The following GRID2IP variants were observed in gnomAD, a reference collection of about 807,000 sequenced individuals.
GRID2IP encodes the protein delphilin.
A neutral mutation model predicts 114.3 loss-of-function variants in GRID2IP; 78 were observed. The observed-to-expected ratio is 0.68, with a 90% CI of 0.57 to 0.82. GRID2IP has a LOEUF of 0.82. GRID2IP is among the 40% of genes least tolerant of loss of function. The pLI is 0.00. For synonymous variants in GRID2IP, 809 were observed against 724.0 expected (o/e 1.12, Z -1.89); for missense variants, 1,727 against 1,678.5 (o/e 1.03, Z -0.51).
At chr7:6,547,085 C>T (rs1213227912) in intron 1 of GRID2IP, among the ~76,000 whole-genome samples, 1 of 152,162 alleles carries the variant, frequency 6.6e-6, no homozygotes, top group East Asian at 1.9e-4. Context: ...ATTTTCCAAG[C>T]TCTCTTCCTC....
rs1316893802 is a variant in GRID2IP at position 6,506,040 on chromosome 7, C to T, written c.2545-133G>A. Reference sequence around the variant, plus strand: ...ACCCATCAGGTGCTGGGATAAAGCCCGGAGCAGGAGGAGACTGCAGGAGAA... The same window carrying T: ...ACCCATCAGGTGCTGGGATAAAGCCTGGAGCAGGAGGAGACTGCAGGAGAA... On this transcript the variant is annotated intron_variant, in intron 13 of 21. Coordinates refer to ENST00000457091, the MANE Select transcript of GRID2IP (RefSeq NM_001145118.2). This position sits in a 1 kb window ranked among gnomAD's most constrained non-coding sequence, Gnocchi z 5.2. 9 of 641,410 alleles carry T rather than the reference C, an allele frequency of 1.4e-5. No homozygotes were observed. Among genetic ancestry groups the T allele is most frequent in the East Asian group, 8.2e-5 (3 of 36,686 alleles). 39.7% of individuals were successfully genotyped at this position (641,410 alleles called of 1,614,324 possible).
At chr7:6,542,321 A>AG (rs1382513393) in intron 1 of GRID2IP, among the ~76,000 whole-genome samples, 12 of 148,664 alleles carry the variant, frequency 8.1e-5, no homozygotes, top group Admixed American at 2.0e-4. Context: ...AAAAAAAAAA[A>AG]AAAAAGAAAA....
Position 6,497,644 on chromosome 7 carries a change from T to G in GRID2IP, c.*130A>C. Reference sequence around the variant, plus strand: ...CCCGACCACAGCTCGGCGGCTGAGGTAGCTGCAGGAGAGGCTGGCGGTGTG... The same window carrying G: ...CCCGACCACAGCTCGGCGGCTGAGGGAGCTGCAGGAGAGGCTGGCGGTGTG... On this transcript the variant is annotated 3_prime_UTR_variant, in exon 22 of 22. Coordinates refer to ENST00000457091, the MANE Select transcript of GRID2IP (RefSeq NM_001145118.2). 1 of 624,078 alleles carries G rather than the reference T, an allele frequency of 1.6e-6. No individual in the cohort carries two copies. Among genetic ancestry groups the G allele is most frequent in the Non-Finnish European group, 2.7e-6 (1 of 370,800 alleles). 38.7% of individuals were successfully genotyped at this position (624,078 alleles called of 1,614,324 possible). A position where few individuals can be genotyped will look rare whatever the true frequency, so the allele number is the denominator to read the frequency against.
At chr7:6,538,543 G>A (rs1583352519) in intron 2 of GRID2IP, among the ~76,000 whole-genome samples, 1 of 149,766 alleles carries the variant, frequency 6.7e-6, no homozygotes, top group Non-Finnish European at 1.5e-5. Context: ...CTCCTGCCTG[G>A]GCGACAGAGC....
chr7:6,501,455 A>T (rs542502255), intron 20 of GRID2IP, among the ~76,000 whole-genome samples: 1 of 151,978 alleles, frequency 6.6e-6, no homozygotes, highest in African/African-American at 2.4e-5. Flanking sequence ...TAATTCTAGC[A>T]CTCTGGGAGG....
Position 6,504,832 on chromosome 7 carries a change from C to T in GRID2IP, c.2671G>A (p.Val891Met). The T allele has an allele frequency of 1.3e-6, 2 of 1,551,444 alleles. No individual in the cohort carries two copies. Among genetic ancestry groups the T allele is most frequent in the Non-Finnish European group, 1.7e-6 (2 of 1,146,856 alleles). ...TTCTTATGGGACAGGATCTCCACCA[C>T]CTCCTTCTTCCGGAAGGGCTCCGGC... ...PGPEPFRKKE[V>M]VEILSHKKAY... Residue 891 changes from valine to methionine, a missense_variant, in exon 15 of 22, where the codon GTG becomes ATG. Transcript: ENST00000457091.
At chr7:6,503,369 G>A (rs1464742837) in intron 16 of GRID2IP, 122 bp downstream of exon 16, 21 of 1,086,718 alleles carry the variant, frequency 1.9e-5, no homozygotes, top group Non-Finnish European at 2.5e-5. Flanking sequence ...GTTAAACTGG[G>A]ACTCAGAGGC....
At chr7:6,538,053 G>A (rs1779755851) in intron 2 of GRID2IP, among the ~76,000 whole-genome samples, 1 of 152,056 alleles carries the variant, frequency 6.6e-6, no homozygotes, top group African/African-American at 2.4e-5. Context: ...GTCTGCTGAG[G>A]TCCTTGGCAC....
chr7:6,550,815 G>A (rs532781745), intron 1 of GRID2IP, among the ~76,000 whole-genome samples, 193 bp downstream of exon 1: 29 of 151,734 alleles, frequency 1.9e-4, no homozygotes, highest in South Asian at 4.2e-4. Flanking sequence ...GTGACAGAGC[G>A]AGACTCTGTC....
In GRID2IP at chr7:6,520,463, C is replaced by A; in HGVS notation, c.1268+115G>T. 1 of 1,183,796 alleles carries A rather than the reference C, an allele frequency of 8.4e-7. No individual in the cohort carries two copies. Among genetic ancestry groups the A allele is most frequent in the Non-Finnish European group, 1.2e-6 (1 of 864,968 alleles). The allele number at this position is 1,183,796 out of a possible 1,614,324, so 73.3% of individuals were successfully genotyped here. ...TGATACCAGCAGCCACCTTCCTGAGCATCCCCCAGGAGAACGGGACTGAGG... is the reference window on the plus strand; with the variant it reads ...TGATACCAGCAGCCACCTTCCTGAGAATCCCCCAGGAGAACGGGACTGAGG... On this transcript the variant is annotated intron_variant, in intron 7 of 21. Transcript: ENST00000457091. The surrounding 1 kb of genome is among the most constrained non-coding windows in gnomAD (Gnocchi z 4.6).
intron 20 of GRID2IP, among the ~76,000 whole-genome samples, chr7:6,498,712 G>T (rs886737765): frequency 6.8e-6 from 1 of 147,798 alleles, no homozygotes; most frequent in Non-Finnish European, 1.5e-5. Context: ...TCAGCCTCCC[G>T]AGCAGCTGGG....
At chr7:6,498,572 CTTTTT>C (rs34146767) in intron 20 of GRID2IP, among the ~76,000 whole-genome samples, 35 of 68,138 alleles carry the variant, frequency 5.1e-4, no homozygotes, top group South Asian at 5.7e-4. Flanking sequence ...CTAGGCCTTA[CTTTTT>C]TTTTTTTTTT....
rs115656780 is a variant in GRID2IP, at chr7:6,506,903, G to C, written c.2545-996C>G. Reference sequence around the variant, plus strand: ...TCACTATGTTGCCCAGACTTGTCTTGAACTCTTAGGCTCAAGCAGTCCTCC... The same window carrying C: ...TCACTATGTTGCCCAGACTTGTCTTCAACTCTTAGGCTCAAGCAGTCCTCC... On this transcript the variant is annotated intron_variant, in intron 13 of 21. Transcript: ENST00000457091. The surrounding 1 kb of genome is among the most constrained non-coding windows in gnomAD (Gnocchi z 5.2). Among the ~76,000 whole-genome samples the C allele has an allele frequency of 0.011, 1,634 of 152,100 alleles. 31 individuals are homozygous for C. The highest frequency in any genetic ancestry group is 0.037 in the African/African-American group (1,528 of 41,500).
At chr7:6,535,894 C>A (rs1779715513) in intron 2 of GRID2IP, among the ~76,000 whole-genome samples, 1 of 152,068 alleles carries the variant, frequency 6.6e-6, no homozygotes, top group African/African-American at 2.4e-5. Flanking sequence ...TGGGGACTGT[C>A]CTCCCACATC....
intron 7 of GRID2IP, among the ~76,000 whole-genome samples, chr7:6,517,596 G>C (rs1340500266): frequency 6.6e-6 from 1 of 152,186 alleles, no homozygotes; most frequent in Non-Finnish European, 1.5e-5. Context: ...AAATCAAGGA[G>C]AAATCAGCAT....
intron 1 of GRID2IP, among the ~76,000 whole-genome samples, chr7:6,542,640 A>G (rs1421161374): frequency 1.3e-5 from 2 of 152,174 alleles, no homozygotes; most frequent in African/African-American, 4.8e-5. Context: ...AGTCTGGGCA[A>G]CAGATCAAGA....
At chr7:6,497,891 A>C (rs546452317) in intron 21 of GRID2IP, 46 bp from the exon 22 acceptor site, 1 of 1,490,992 alleles carries the variant, frequency 6.7e-7, no homozygotes, top group South Asian at 1.2e-5. Flanking sequence ...GGTCCCAGGA[A>C]CCTGTGACGC....
chr7:6,537,693 C>T (rs973324739), intron 2 of GRID2IP, among the ~76,000 whole-genome samples: 11 of 150,610 alleles, frequency 7.3e-5, no homozygotes, highest in African/African-American at 2.7e-4. Context: ...CTCGTCTTTC[C>T]TAAAAATACA....
rs998282117 is a variant in GRID2IP, at chr7:6,551,458, A to T, written c.-22T>A. The T allele has an allele frequency of 6.5e-7, 1 of 1,532,060 alleles. No individual in the cohort carries two copies. The highest frequency in any genetic ancestry group is 1.2e-5 in the South Asian group (1 of 82,018). The allele number at this position is 1,532,060 out of a possible 1,614,324, so 94.9% of individuals were successfully genotyped here. A position where few individuals can be genotyped will look rare whatever the true frequency, so the allele number is the denominator to read the frequency against. On this transcript the variant is annotated 5_prime_UTR_variant, in exon 1 of 22. Coordinates refer to ENST00000457091, the MANE Select transcript of GRID2IP (RefSeq NM_001145118.2). ...CCATGCACCTAGAACTGGAGACAGAACAGGGATTTCCTTGCTGCTCTGTCC... is the reference window on the plus strand; with the variant it reads ...CCATGCACCTAGAACTGGAGACAGATCAGGGATTTCCTTGCTGCTCTGTCC...
Sources: allele counts gnomAD v4.1 joint callset (sites outside exome capture counted in the v4.1 genomes callset), GRCh38; gene constraint gnomAD v4.1.1; non-coding constraint Gnocchi (gnomAD v3.1); transcripts MANE v1.5; gene names NCBI Gene and HGNC (gene_info 2026-07-23, HGNC 2026-07-21).